Variants in BPTF observed in about 807,000 individuals in gnomAD.
BPTF encodes nucleosome-remodeling factor subunit BPTF.
A neutral mutation model predicts 292.5 loss-of-function variants in BPTF; 18 were observed. The observed-to-expected ratio is 0.06, with a 90% CI of 0.04 to 0.09. BPTF has a LOEUF of 0.09. BPTF is among the 10% of genes least tolerant of loss of function. The pLI, the probability that BPTF is intolerant of heterozygous loss-of-function variation, is 1.00. For missense variants in BPTF, 2,726 were observed against 3,498.7 expected, an observed-to-expected ratio of 0.78 and a Z score of 5.57; for synonymous variants, 1,225 against 1,251.9, an observed-to-expected ratio of 0.98 and a Z score of 0.45.
intron 11 of BPTF, among the ~76,000 whole-genome samples, chr17:67,915,465 AAT>A (rs1277657637): frequency 1.3e-5 from 2 of 152,214 alleles, no homozygotes; most frequent in Non-Finnish European, 1.5e-5. Context: ...CAGAGGACTT[AAT>A]ATACATACCC....
At chr17:67,925,761 A>AT (rs1459459554) in intron 15 of BPTF, among the ~76,000 whole-genome samples, 2 of 152,094 alleles carry the variant, frequency 1.3e-5, no homozygotes, top group Admixed American at 1.3e-4. Context: ...TTTCCCTTTC[A>AT]TTTTATAAAA....
intron 11 of BPTF, among the ~76,000 whole-genome samples, chr17:67,917,138 T>TC: frequency 6.9e-6 from 1 of 144,408 alleles, no homozygotes; most frequent in Admixed American, 7.0e-5. Context: ...GTCCTTTTTT[T>TC]TTTTTTTTTT....
intron 23 of BPTF, chr17:67,955,678 T>C (rs2066861012): frequency 6.6e-6 from 1 of 151,386 alleles, no homozygotes; most frequent in African/African-American, 2.4e-5. Context: ...AATGCAAAAA[T>C]TAGCCAGACA....
intron 4 of BPTF, among the ~76,000 whole-genome samples, chr17:67,878,069 C>G (rs1386907660): frequency 6.6e-6 from 1 of 152,188 alleles, no homozygotes. Context: ...CCTAGCCCAA[C>G]AAAGGTACTG....
intron 4 of BPTF, among the ~76,000 whole-genome samples, chr17:67,885,538 C>T (rs895388677): frequency 6.6e-5 from 10 of 152,104 alleles, no homozygotes; most frequent in African/African-American, 9.7e-5. Context: ...TACAGTCAGC[C>T]GAGATTGTGC....
intron 7 of BPTF, among the ~76,000 whole-genome samples, chr17:67,895,332 CAAAAAAAAAA>C (rs35234780): frequency 7.1e-4 from 40 of 56,658 alleles, no homozygotes; most frequent in Middle Eastern, 0.01. Context: ...GACTTCATCT[CAAAAAAAAAA>C]AAAAAAAAAA....
intron 1 of BPTF, among the ~76,000 whole-genome samples, chr17:67,828,366 C>G (rs920980047): frequency 6.6e-6 from 1 of 152,106 alleles, no homozygotes; most frequent in African/African-American, 2.4e-5. Context: ...TTAAAAAGAG[C>G]TGAGACATTT....
At chr17:67,866,889 A>G (rs1270539807) in intron 3 of BPTF, among the ~76,000 whole-genome samples, 1 of 152,246 alleles carries the variant, frequency 6.6e-6, no homozygotes, top group African/African-American at 2.4e-5. Context: ...CACAAACCAT[A>G]CACCTAGGTT....
intron 9 of BPTF, among the ~76,000 whole-genome samples, chr17:67,907,800 TCA>T: frequency 6.6e-6 from 1 of 152,342 alleles, no homozygotes; most frequent in Non-Finnish European, 1.5e-5. Context: ...CATGTCATTA[TCA>T]CACTCAACAA....
chr17:67,913,021 A>G lies in BPTF; in HGVS notation c.5137A>G (p.Thr1713Ala), dbSNP rs1252814349. Residue 1713 changes from threonine (T) to alanine (A), a missense_variant, in exon 11 of 28, where the codon ACC (threonine) becomes GCC (alanine). Around this residue, in one of 22 missense-constraint regions of BPTF, gnomAD observed 24 missense variants for 57.5 expected, o/e 0.42. Coordinates refer to ENST00000306378, the MANE Select transcript of BPTF (RefSeq NM_182641.4). Reference sequence around the variant, plus strand: ...TCTGCCATCCTATAGAAAATTTGTTACCAAGAGCAGCAAGAAGAGCATTTT... The same window carrying G: ...TCTGCCATCCTATAGAAAATTTGTTGCCAAGAGCAGCAAGAAGAGCATTTT... ...TALPSYRKFV[T>A]KSSKKSIFVL... 1 of 1,614,084 alleles carries G rather than the reference A, an allele frequency of 6.2e-7. No homozygotes were observed. Among genetic ancestry groups the G allele is most frequent in the East Asian group, 2.2e-5 (1 of 44,898 alleles).
intron 2 of BPTF, among the ~76,000 whole-genome samples, chr17:67,859,236 C>T (rs981967015): frequency 2.0e-5 from 3 of 152,198 alleles, no homozygotes; most frequent in Non-Finnish European, 4.4e-5. Flanking sequence ...GCGTCAGTCT[C>T]CTAGGCTCAG....
At chr17:67,971,781 T>C (rs2068786312) in intron 26 of BPTF, among the ~76,000 whole-genome samples, 1 of 142,588 alleles carries the variant, frequency 7.0e-6, no homozygotes, top group Non-Finnish European at 1.5e-5. Flanking sequence ...TGATCTGAGA[T>C]CATGCCACTG....
chr17:67,848,796 A>G lies in BPTF; in HGVS notation c.614-5144A>G, dbSNP rs79102238. On this transcript the variant is annotated intron_variant, in intron 1 of 27. Coordinates refer to ENST00000306378, the MANE Select transcript of BPTF (RefSeq NM_182641.4). The stretch of plus-strand genomic sequence containing the variant: ...CCAGGTCATTCTAATTAGAATACCT[A>G]TACATTGTAACATAATTACTCCGTC... Among the ~76,000 whole-genome samples the G allele has an allele frequency of 5.4e-4, 83 of 152,308 alleles. 6 individuals carry two copies. The East Asian group carries it at 0.016, about 29-fold the overall frequency.
intron 7 of BPTF, 67 bp downstream of exon 7, chr17:67,894,232 T>C: frequency 6.8e-7 from 1 of 1,472,326 alleles, no homozygotes; most frequent in Non-Finnish European, 9.3e-7. Flanking sequence ...AGCCTATTAA[T>C]AATGAAAGTT....
intron 23 of BPTF, 146 bp downstream of exon 23, chr17:67,948,452 G>A (rs2065974305): frequency 1.8e-5 from 13 of 741,318 alleles, no homozygotes; most frequent in Non-Finnish European, 1.9e-5. Flanking sequence ...GCAGTGCAGC[G>A]TGTGTGTCTT....
At chr17:67,858,784 C>A (rs1356315717) in intron 2 of BPTF, among the ~76,000 whole-genome samples, 7 of 152,172 alleles carry the variant, frequency 4.6e-5, no homozygotes, top group Non-Finnish European at 1.0e-4. Context: ...CTCCAATTCT[C>A]CCATTCCTGT....
At chr17:67,949,638 TAC>T in intron 23 of BPTF, among the ~76,000 whole-genome samples, 1 of 18,022 alleles carries the variant, frequency 5.5e-5, no homozygotes, top group Non-Finnish European at 1.1e-3. Flanking sequence ...TACACATACG[TAC>T]ATATATATAT....
chr17:67,940,520 C>T lies in BPTF; in HGVS notation c.6341C>T (p.Ser2114Leu), dbSNP rs781912089. ...GTCTCCGCCCCTAACACGGTTTCCTCAACACCTGGGCAGAAAAGCTTAACT... is the reference window on the plus strand; with the variant it reads ...GTCTCCGCCCCTAACACGGTTTCCTTAACACCTGGGCAGAAAAGCTTAACT... ...TAVSAPNTVS[S>L]TPGQKSLTSA... Residue 2114 changes from serine to leucine, a missense_variant, in exon 19 of 28, where the codon TCA becomes TTA. Ser to Leu is a moderately radical substitution (Grantham distance 145, BLOSUM62 -2). This residue lies in a region of BPTF where 570 missense variants were observed against 633.5 expected (regional missense o/e 0.90). Transcript: ENST00000306378. 1.9e-6 allele frequency: 3 copies of T among 1,614,106 alleles called. No individual in the cohort carries two copies. The highest frequency in any genetic ancestry group is 1.6e-4 in the Middle Eastern group (1 of 6,062).
At chr17:67,847,674 CAAAAAAA>C (rs543574039) in intron 1 of BPTF, among the ~76,000 whole-genome samples, 10 of 52,976 alleles carry the variant, frequency 1.9e-4, no homozygotes, top group South Asian at 1.3e-3. Context: ...GACTCCGTCT[CAAAAAAA>C]AAAAAAAAAA....
Sources: gnomAD v4.1 joint callset for allele counts (sites outside exome capture counted in the v4.1 genomes callset) on GRCh38, gnomAD v4.1.1 for gene constraint, gnomAD v4.1.1 regional missense constraint, MANE v1.5 for transcripts, NCBI Gene and HGNC (gene_info 2026-07-23, HGNC 2026-07-21) for gene names.